The following CCSER2 variants were observed in gnomAD, a reference collection of about 807,000 sequenced individuals.
CCSER2 encodes the protein serine-rich coiled-coil domain-containing protein 2.
In CCSER2, 46 loss-of-function variants were observed where a neutral mutation model predicts 92.3. That is an observed-to-expected ratio of 0.50 (90% CI 0.39 to 0.64). The LOEUF (loss-of-function observed/expected upper bound fraction) is 0.64, where lower values mean the gene tolerates loss of function less well. CCSER2 is among the 30% of genes least tolerant of loss of function. The pLI is 0.00. For missense variants in CCSER2, 1,244 were observed against 1,238.9 expected (o/e 1.00, Z -0.06); for synonymous variants, 433 against 431.4 (o/e 1.00, Z -0.04).
At chr10:84,470,975 CAT>C (rs1190673790) in intron 8 of CCSER2, among the ~76,000 whole-genome samples, 5 of 151,998 alleles carry the variant, frequency 3.3e-5, no homozygotes, top group Admixed American at 6.6e-5. Context: ...ATATTAGTCT[CAT>C]ATGAAAACAA....
intron 2 of CCSER2, 62 bp from the exon 3 acceptor site, chr10:84,373,557 T>C (rs1330740261): frequency 1.5e-6 from 2 of 1,293,752 alleles, no homozygotes; most frequent in Non-Finnish European, 1.1e-6. Context: ...TTAGCACTTA[T>C]ATTTTTAGGA....
intron 1 of CCSER2, among the ~76,000 whole-genome samples, chr10:84,361,104 C>A (rs1254695002): frequency 6.6e-6 from 1 of 152,214 alleles, no homozygotes; most frequent in African/African-American, 2.4e-5. Flanking sequence ...CTTTCATCAC[C>A]TCCTGCATGC....
chr10:84,465,517 G>C (rs1422755683), intron 7 of CCSER2, among the ~76,000 whole-genome samples: 1 of 151,420 alleles, frequency 6.6e-6, no homozygotes, highest in South Asian at 2.1e-4. Flanking sequence ...GTAGAGATGG[G>C]GTTTCACCAT....
chr10:84,343,979 A>T (rs1844342758), intron 1 of CCSER2, among the ~76,000 whole-genome samples: 1 of 152,220 alleles, frequency 6.6e-6, no homozygotes. Context: ...AATACCCAGG[A>T]GAAGCTCCTG....
chr10:84,430,706 G>T (rs1030924681), intron 5 of CCSER2, among the ~76,000 whole-genome samples: 1 of 152,122 alleles, frequency 6.6e-6, no homozygotes, highest in Non-Finnish European at 1.5e-5. Flanking sequence ...TAAGGAGATG[G>T]GTGTGGCTAT....
At chr10:84,442,282 A>G (rs1380393390) in intron 6 of CCSER2, among the ~76,000 whole-genome samples, 2 of 152,148 alleles carry the variant, frequency 1.3e-5, no homozygotes, top group Non-Finnish European at 2.9e-5. Flanking sequence ...AATGTAAAGG[A>G]CAAGTAGATA....
intron 4 of CCSER2, among the ~76,000 whole-genome samples, chr10:84,423,764 A>G (rs1281702283): frequency 6.6e-6 from 1 of 152,170 alleles, no homozygotes; most frequent in African/African-American, 2.4e-5. Flanking sequence ...ATGTAGAAAT[A>G]CTTAACTGGG....
At chr10:84,467,576 C>G (rs1007282975) in intron 7 of CCSER2, among the ~76,000 whole-genome samples, 3 of 152,110 alleles carry the variant, frequency 2.0e-5, no homozygotes, top group African/African-American at 7.2e-5. Flanking sequence ...CCCCAACATA[C>G]AGTACTTTGA....
chr10:84,344,697 A>T (rs973896543), intron 1 of CCSER2, among the ~76,000 whole-genome samples: 10 of 152,170 alleles, frequency 6.6e-5, no homozygotes, highest in African/African-American at 2.4e-4. Flanking sequence ...AGTAGTGTGC[A>T]CTTTGGTAAG....
intron 3 of CCSER2, among the ~76,000 whole-genome samples, chr10:84,416,026 C>T (rs1842872290): frequency 6.6e-6 from 1 of 152,126 alleles, no homozygotes; most frequent in Admixed American, 6.5e-5. Flanking sequence ...TGTGTGTGTG[C>T]CCAAGCTGCT....
At chr10:84,392,208 G>A (rs1348827320) in intron 3 of CCSER2, among the ~76,000 whole-genome samples, 1 of 151,002 alleles carries the variant, frequency 6.6e-6, no homozygotes, top group East Asian at 2.0e-4. Context: ...CAGGAGGGAG[G>A]TGTTGCTGTC....
chr10:84,347,478 C>T (rs1160660224), intron 1 of CCSER2, among the ~76,000 whole-genome samples: 21 of 148,992 alleles, frequency 1.4e-4, no homozygotes, highest in East Asian at 2.0e-4. Flanking sequence ...ACCTCCCTCC[C>T]GGACTGGGTG....
At chr10:84,425,158 AG>A in intron 4 of CCSER2, 1 of 985,192 alleles carries the variant, frequency 1.0e-6, no homozygotes, top group Non-Finnish European at 1.2e-6. Flanking sequence ...CTTTGTTTTC[AG>A]TGGCATTTTA....
intron 8 of CCSER2, among the ~76,000 whole-genome samples, chr10:84,473,459 C>T (rs1846938764): frequency 6.6e-6 from 1 of 152,124 alleles, no homozygotes; most frequent in South Asian, 2.1e-4. Context: ...AGATTCACTG[C>T]TTCTCATTGC....
intron 8 of CCSER2, among the ~76,000 whole-genome samples, chr10:84,472,239 AG>A (rs555258343): frequency 2.0e-5 from 3 of 152,302 alleles, no homozygotes; most frequent in African/African-American, 7.2e-5. Flanking sequence ...AAAAAAATTT[AG>A]CTAAAGGAAA....
chr10:84,430,529 G>A (rs1366456831), intron 5 of CCSER2, among the ~76,000 whole-genome samples: 1 of 152,154 alleles, frequency 6.6e-6, no homozygotes, highest in African/African-American at 2.4e-5. Context: ...CCTGAGAATG[G>A]GCTTTTTCTA....
At chr10:84,449,591 G>A (rs142633605) in intron 6 of CCSER2, among the ~76,000 whole-genome samples, 3 of 152,138 alleles carry the variant, frequency 2.0e-5, no homozygotes, top group Admixed American at 6.5e-5. Context: ...GGTGGCTCAT[G>A]CCTGTATAAT....
intron 5 of CCSER2, among the ~76,000 whole-genome samples, chr10:84,437,354 A>T (rs1844235046): frequency 6.6e-6 from 1 of 152,154 alleles, no homozygotes; most frequent in South Asian, 2.1e-4. Flanking sequence ...CCCCCTCTCT[A>T]CAAAAATACA....
intron 9 of CCSER2, chr10:84,499,857 C>T (rs746453788): frequency 1.2e-6 from 2 of 1,613,448 alleles, no homozygotes; most frequent in Non-Finnish European, 1.7e-6. Context: ...CCTCCCTACC[C>T]CATCTCTCTC....
Sources: allele counts gnomAD v4.1 joint callset (sites outside exome capture counted in the v4.1 genomes callset), GRCh38; gene constraint gnomAD v4.1.1; transcripts MANE v1.5; gene names NCBI Gene and HGNC (gene_info 2026-07-23, HGNC 2026-07-21).